DPH6: variants seen among roughly 807,000 people sequenced by gnomAD.
DPH6 encodes the protein diphthamine biosynthesis 6.
In DPH6, 33 loss-of-function variants were observed where a neutral mutation model predicts 38.2. That is an observed-to-expected ratio of 0.86 (90% CI 0.65 to 1.15). The LOEUF is 1.15. DPH6 is among the 50% of genes most tolerant of loss of function. The probability of loss-of-function intolerance (pLI) is 0.00; values close to 1 mark genes in which losing one functional copy is unlikely to be tolerated. For synonymous variants in DPH6, 108 were observed against 103.0 expected (o/e 1.05, Z -0.30); for missense variants, 325 against 320.0 (o/e 1.02, Z -0.12).
intron 5 of DPH6, among the ~76,000 whole-genome samples, chr15:35,442,971 C>T (rs1315711704): frequency 1.3e-5 from 2 of 152,160 alleles, no homozygotes; most frequent in African/African-American, 2.4e-5. Context: ...GTGATGATTG[C>T]ACAACCTGTG....
chr15:35,426,281 C>T (rs2053570210), intron 5 of DPH6, among the ~76,000 whole-genome samples: 1 of 151,678 alleles, frequency 6.6e-6, no homozygotes, highest in South Asian at 2.1e-4. Context: ...ATTAACTCTA[C>T]TTGAAAGCAC....
chr15:35,203,783 A>C, the DPH6 span, among the ~76,000 whole-genome samples: 1 of 151,762 alleles, frequency 6.6e-6, no homozygotes, highest in African/African-American at 2.4e-5. Context: ...AATTATGTTA[A>C]TTAATCTGTA....
At chr15:35,266,700 T>C (rs764353269) in intron 3 of DPH6, among the ~76,000 whole-genome samples, 4 of 152,188 alleles carry the variant, frequency 2.6e-5, no homozygotes, top group Non-Finnish European at 5.9e-5. Context: ...ATTTTAACAG[T>C]ACCACATAGA....
intron 3 of DPH6, among the ~76,000 whole-genome samples, chr15:35,508,621 T>C (rs2054727619): frequency 6.6e-6 from 1 of 152,138 alleles, no homozygotes; most frequent in African/African-American, 2.4e-5. Flanking sequence ...TAATACCTAA[T>C]CTTGAGCAAG....
chr15:35,427,358 A>G (rs1351908361), intron 5 of DPH6, among the ~76,000 whole-genome samples: 1 of 151,998 alleles, frequency 6.6e-6, no homozygotes, highest in African/African-American at 2.4e-5. Flanking sequence ...TTTCTGAAGG[A>G]AATAAAGTGT....
At chr15:35,467,438 C>T (rs1271937975) in intron 3 of DPH6, among the ~76,000 whole-genome samples, 1 of 152,104 alleles carries the variant, frequency 6.6e-6, no homozygotes, top group Non-Finnish European at 1.5e-5. Context: ...TGGTGGTGCG[C>T]ACCTGTAATC....
At chr15:35,203,475 ACT>A in the DPH6 span, among the ~76,000 whole-genome samples, 3 of 151,624 alleles carry the variant, frequency 2.0e-5, no homozygotes, top group Admixed American at 1.3e-4. Flanking sequence ...GAAACATATC[ACT>A]CTGAGATGAA....
intron 3 of DPH6, among the ~76,000 whole-genome samples, chr15:35,499,399 A>G (rs1166427306): frequency 1.3e-5 from 2 of 152,102 alleles, no homozygotes. Context: ...TTGGGCTGGT[A>G]TTTGTATCTC....
At chr15:35,438,412 T>C (rs1320531369) in intron 5 of DPH6, among the ~76,000 whole-genome samples, 1 of 152,186 alleles carries the variant, frequency 6.6e-6, no homozygotes, top group Admixed American at 6.5e-5. Flanking sequence ...GGATTCCATT[T>C]TGGGAGAAGC....
intron 6 of DPH6, among the ~76,000 whole-genome samples, chr15:35,402,166 T>C (rs1258254525): frequency 6.6e-6 from 1 of 152,204 alleles, no homozygotes; most frequent in African/African-American, 2.4e-5. Context: ...TCCCCAACAG[T>C]GTGAAGTTAG....
intron 3 of DPH6, among the ~76,000 whole-genome samples, chr15:35,221,398 G>T (rs776472488): frequency 6.6e-6 from 1 of 152,146 alleles, no homozygotes; most frequent in Non-Finnish European, 1.5e-5. Context: ...TACTGCCCTG[G>T]TGGGAACTCT....
At position 35,292,013 on chromosome 15, in the gene DPH6, C is replaced by G. The variant is rs77261906; in HGVS notation, n.201-71431G>C. 1.9e-3 allele frequency among the ~76,000 whole-genome samples: 285 copies of G among 152,176 alleles called. 8 individuals are homozygous for G. In the East Asian group the frequency reaches 0.039, roughly 21 times the overall value. ...TAATACTTAATTCATTTCCAGTCTT[C>G]TTGCTTCCTCATATAAATGCTTTTT... On this transcript the variant is annotated intron_variant and non_coding_transcript_variant, in intron 3 of 3. Transcript: ENST00000560386.
chr15:35,216,169 G>A (rs2051410150), downstream of DPH6, among the ~76,000 whole-genome samples: 1 of 152,218 alleles, frequency 6.6e-6, no homozygotes, highest in Non-Finnish European at 1.5e-5. Context: ...TGGGCCTTTG[G>A]ACAGGTTACC....
At chr15:35,502,495 T>C (rs1488692823) in intron 3 of DPH6, among the ~76,000 whole-genome samples, 5 of 152,030 alleles carry the variant, frequency 3.3e-5, no homozygotes, top group Non-Finnish European at 7.4e-5. Flanking sequence ...AGCATTCCAC[T>C]TCTCATCAAT....
At chr15:35,363,889 T>G (rs1473917290) in intron 3 of DPH6, among the ~76,000 whole-genome samples, 1 of 152,008 alleles carries the variant, frequency 6.6e-6, no homozygotes, top group East Asian at 1.9e-4. Flanking sequence ...TTATATACAA[T>G]GCAAAAACTT....
chr15:35,274,871 A>G (rs1371336989), intron 3 of DPH6, among the ~76,000 whole-genome samples: 3 of 152,012 alleles, frequency 2.0e-5, no homozygotes, highest in African/African-American at 4.8e-5. Flanking sequence ...ATACCATTTG[A>G]CCCAGCAATC....
chr15:35,340,204 G>A (rs966837922), intron 3 of DPH6, among the ~76,000 whole-genome samples: 2 of 152,078 alleles, frequency 1.3e-5, no homozygotes, highest in Non-Finnish European at 2.9e-5. Context: ...TGCAACCCCT[G>A]AGTTTTTTGG....
intron 3 of DPH6, among the ~76,000 whole-genome samples, chr15:35,252,972 C>T (rs549135485): frequency 1.3e-5 from 2 of 152,294 alleles, no homozygotes; most frequent in Non-Finnish European, 2.9e-5. Context: ...GGACAGCAAG[C>T]AGGATGTGAA....
At chr15:35,221,365 C>T (rs912826925) in intron 3 of DPH6, among the ~76,000 whole-genome samples, 3 of 152,250 alleles carry the variant, frequency 2.0e-5, no homozygotes. Context: ...CTGCAGAGGC[C>T]GCACCCCCAT....
Sources: allele counts gnomAD v4.1 joint callset (sites outside exome capture counted in the v4.1 genomes callset), GRCh38; gene constraint gnomAD v4.1.1; transcripts MANE v1.5; gene names NCBI Gene and HGNC (gene_info 2026-07-23, HGNC 2026-07-21).